Variants in DIP2A observed in about 807,000 individuals in gnomAD.
The protein encoded by DIP2A is disco-interacting protein 2 homolog A.
A neutral mutation model predicts 177.4 loss-of-function variants in DIP2A; 85 were observed. The observed-to-expected ratio is 0.48, with a 90% CI of 0.40 to 0.57. The LOEUF (loss-of-function observed/expected upper bound fraction) is 0.57. Ranked by LOEUF, DIP2A falls within the 20% of genes least tolerant of loss-of-function variation. The pLI is 0.00. For synonymous variants in DIP2A, 886 were observed against 881.8 expected (o/e 1.00, Z -0.08); for missense variants, 1,791 against 2,100.2 (o/e 0.85, Z 2.88).
intron 8 of DIP2A, among the ~76,000 whole-genome samples, chr21:46,528,045 C>G (rs2059178996): frequency 6.6e-6 from 1 of 152,082 alleles, no homozygotes; most frequent in Admixed American, 6.6e-5. Flanking sequence ...TGGGAAGGAC[C>G]TCAGGGGATA....
At chr21:46,532,896 G>A (rs2059411693) in intron 10 of DIP2A, among the ~76,000 whole-genome samples, 1 of 152,108 alleles carries the variant, frequency 6.6e-6, no homozygotes, top group Admixed American at 6.6e-5. Flanking sequence ...CCAGAATTCA[G>A]GCAGTTGTTA....
At chr21:46,469,473 T>C (rs540816765) in intron 1 of DIP2A, among the ~76,000 whole-genome samples, 39 of 152,368 alleles carry the variant, frequency 2.6e-4, no homozygotes, top group African/African-American at 9.1e-4. Context: ...CCTGTCCTCC[T>C]GTAGGATCCA....
rs775331105 is a variant in DIP2A at position 46,545,274 on chromosome 21, G to A, written c.2313+1G>A. ...TGGAATCACGAAGAATGTGTTTGAG[G>A]TTTGTCCCTTTTCCTGACTTTCATG... On this transcript the variant is annotated splice_donor_variant, in intron 19 of 37. Transcript: ENST00000417564. LOFTEE classifies it high-confidence loss of function. 1 of 1,588,130 alleles carries A rather than the reference G, an allele frequency of 6.3e-7. No homozygotes were observed. Among genetic ancestry groups the A allele is most frequent in the South Asian group, 1.1e-5 (1 of 89,320 alleles).
chr21:46,545,222 A>C lies in DIP2A; in HGVS notation c.2262A>C (p.Ala754=), dbSNP rs565951201. The C allele has an allele frequency of 1.2e-6, 2 of 1,610,016 alleles. No homozygotes were observed. Among genetic ancestry groups the C allele is most frequent in the Admixed American group, 3.3e-5 (2 of 59,930 alleles). ...EVGEICVSSS[A]TGTAYYGLLG... is the part of the protein sequence containing the mutation. The stretch of plus-strand genomic sequence containing the variant: ...GAGAAATATGCGTCAGTTCCAGTGC[A>C]ACTGGCACAGCGTACTATGGATTGC... Residue 754 remains alanine, a synonymous_variant, in exon 19 of 38, where the codon GCA becomes GCC. Coordinates refer to ENST00000417564, the MANE Select transcript of DIP2A (RefSeq NM_015151.4).
At chr21:46,555,360 CT>C (rs917202321) in intron 28 of DIP2A, among the ~76,000 whole-genome samples, 24 of 152,364 alleles carry the variant, frequency 1.6e-4, no homozygotes, top group African/African-American at 5.5e-4. Flanking sequence ...AGAAACCCCC[CT>C]GGCTCCCCTC....
intron 6 of DIP2A, among the ~76,000 whole-genome samples, chr21:46,504,933 C>G (rs1030758848): frequency 6.6e-6 from 1 of 152,226 alleles, no homozygotes; most frequent in Admixed American, 6.5e-5. Flanking sequence ...CAACAGCAAT[C>G]ATGGTTTCCC....
At chr21:46,521,950 C>T (rs533505434) in intron 8 of DIP2A, among the ~76,000 whole-genome samples, 5 of 40 alleles carry the variant, frequency 0.12, no homozygotes, top group African/African-American at 0.25. Context: ...TTTCCGTGCA[C>T]ATTTCACACT....
At chr21:46,554,006 A>T in intron 25 of DIP2A, 163 bp from the exon 26 acceptor site, 1 of 970,812 alleles carries the variant, frequency 1.0e-6, no homozygotes, top group Non-Finnish European at 1.4e-6. Flanking sequence ...TCTACCAAAA[A>T]AAAGACACCA....
At chr21:46,495,179 T>TTTCTCTTCTCTTCTCTTCTCTTCTC (rs373831760) in intron 3 of DIP2A, among the ~76,000 whole-genome samples, 2 of 72,468 alleles carry the variant, frequency 2.8e-5, no homozygotes, top group Middle Eastern at 7.9e-3. Context: ...TCTTTCGCTT[T>TTTCTCTTCTCTTCTCTTCTCTTCTC]TTCTCTTCTC....
chr21:46,522,668 A>C (rs55992430), intron 8 of DIP2A, among the ~76,000 whole-genome samples: 22,329 of 152,124 alleles, frequency 0.15, 1,814 homozygotes, highest in Non-Finnish European at 0.17. Context: ...CTCCCTAGTT[A>C]TTACACCAGA....
chr21:46,542,884 CAG>C (rs1282450947), intron 18 of DIP2A, among the ~76,000 whole-genome samples: 13 of 152,250 alleles, frequency 8.5e-5, no homozygotes, highest in Admixed American at 2.6e-4. Context: ...CTGCCTCTTG[CAG>C]GCGGCTGTGC....
rs538393904 is a variant in DIP2A at position 46,459,091 on chromosome 21, G to C, written c.-41G>C. On this transcript the variant is annotated 5_prime_UTR_variant, in exon 1 of 38. Coordinates refer to ENST00000417564, the MANE Select transcript of DIP2A (RefSeq NM_015151.4). ...GTTTGCGCTGCCGCCGCCAGGCCCGGTCCGGTTCCAGCCTCTGCCCGGACG... is the reference window on the plus strand; with the variant it reads ...GTTTGCGCTGCCGCCGCCAGGCCCGCTCCGGTTCCAGCCTCTGCCCGGACG... 5 of 1,420,116 alleles carry C rather than the reference G, an allele frequency of 3.5e-6. No individual in the cohort carries two copies. Among genetic ancestry groups the C allele is most frequent in the East Asian group, 3.0e-5 (1 of 33,728 alleles). 88.0% of individuals were successfully genotyped at this position (1,420,116 alleles called of 1,614,324 possible). A position where few individuals can be genotyped will look rare whatever the true frequency, so the allele number is the denominator to read the frequency against.
In DIP2A at chr21:46,557,375, A is replaced by G. The variant is rs2060504735; in HGVS notation, c.3630-210A>G. 3.0e-6 allele frequency: 2 copies of G among 671,906 alleles called. No individual in the cohort carries two copies. Among genetic ancestry groups the G allele is most frequent in the South Asian group, 2.1e-5 (1 of 48,610 alleles). The allele number at this position is 671,906 out of a possible 1,614,324, so 41.6% of individuals were successfully genotyped here. A position where few individuals can be genotyped will look rare whatever the true frequency, so the allele number is the denominator to read the frequency against. The stretch of plus-strand genomic sequence containing the variant: ...GAGTGGTGTCCCCGGATCCTCTCCA[A>G]GTGTTCGGAGCAGAGCTCAGAACCC... On this transcript the variant is annotated intron_variant, in intron 30 of 37. Coordinates refer to ENST00000417564, the MANE Select transcript of DIP2A (RefSeq NM_015151.4). This position sits in a 1 kb window ranked among gnomAD's most constrained non-coding sequence, Gnocchi z 6.0.
chr21:46,491,351 A>G (rs897263401), intron 3 of DIP2A, among the ~76,000 whole-genome samples: 5 of 152,188 alleles, frequency 3.3e-5, no homozygotes, highest in South Asian at 2.1e-4. Flanking sequence ...CCTTTTTCAG[A>G]AAAAATTTTA....
chr21:46,479,157 C>T (rs982749223), intron 1 of DIP2A, among the ~76,000 whole-genome samples: 1 of 152,226 alleles, frequency 6.6e-6, no homozygotes. Flanking sequence ...TGATGAGCTC[C>T]TGCCTCTCTG....
At position 46,458,958 on chromosome 21, in the gene DIP2A, G is replaced by T; in HGVS notation, c.-174G>T. 1 of 405,958 alleles carries T rather than the reference G, an allele frequency of 2.5e-6. No homozygotes were observed. The highest frequency in any genetic ancestry group is 4.1e-6 in the Non-Finnish European group (1 of 242,670). 25.1% of individuals were successfully genotyped at this position (405,958 alleles called of 1,614,324 possible). On this transcript the variant is annotated 5_prime_UTR_variant, in exon 1 of 38. Transcript: ENST00000417564. ...CGGCGCGGCGGAGCCATCCGCGCTC[G>T]TGCCCGCGCGGGTGCGTTGCTGTCC...
rs1478519548 is a variant in DIP2A, at chr21:46,565,589, A to G, written c.4165-124A>G. On this transcript the variant is annotated intron_variant, in intron 35 of 37. Transcript: ENST00000417564. ...GTTCATAAAATAAGAGACAATGAATATTATCCGCCCCGACTTCGTTCAGTG... is the reference window on the plus strand; with the variant it reads ...GTTCATAAAATAAGAGACAATGAATGTTATCCGCCCCGACTTCGTTCAGTG... 7 of 1,001,494 alleles carry G rather than the reference A, an allele frequency of 7.0e-6. No individual in the cohort carries two copies. The East Asian group carries it at 1.3e-4, about 19-fold the overall frequency. The allele number at this position is 1,001,494 out of a possible 1,614,324, so 62.0% of individuals were successfully genotyped here.
rs776052092 is a variant in DIP2A at position 46,563,850 on chromosome 21, C to T, written c.4090-8C>T. On this transcript the variant is annotated splice_region_variant and splice_polypyrimidine_tract_variant and intron_variant, in intron 34 of 37. Transcript: ENST00000417564. This position sits in a 1 kb window ranked among gnomAD's most constrained non-coding sequence, Gnocchi z 4.3. ...CTTTAACAAGGGACATAGCTCTCCTCCTTCCAGATCCTCCCCGGCGTGAAG... is the reference window on the plus strand; with the variant it reads ...CTTTAACAAGGGACATAGCTCTCCTTCTTCCAGATCCTCCCCGGCGTGAAG... 17 of 1,613,122 alleles carry T rather than the reference C, an allele frequency of 1.1e-5. No homozygotes were observed. In the East Asian group the frequency reaches 2.7e-4, roughly 25 times the overall value.
chr21:46,479,967 T>TA (rs2056217047), intron 1 of DIP2A, among the ~76,000 whole-genome samples: 1 of 152,208 alleles, frequency 6.6e-6, no homozygotes, highest in African/African-American at 2.4e-5. Context: ...GAACGACTGT[T>TA]ACCAGTGAAT....
Sources: gnomAD v4.1 joint callset for allele counts (sites outside exome capture counted in the v4.1 genomes callset) on GRCh38, gnomAD v4.1.1 for gene constraint, Gnocchi (gnomAD v3.1) non-coding constraint, MANE v1.5 for transcripts, NCBI Gene and HGNC (gene_info 2026-07-23, HGNC 2026-07-21) for gene names.